Variants in MAU2 observed in about 807,000 individuals in gnomAD.
MAU2 encodes MAU2 sister chromatid cohesion factor.
A neutral mutation model predicts 89.1 loss-of-function variants in MAU2; 9 were observed. The observed-to-expected ratio is 0.10, with a 90% CI of 0.06 to 0.18. The LOEUF (loss-of-function observed/expected upper bound fraction) is 0.18, where lower values mean the gene tolerates loss of function less well. Among genes scored for constraint, MAU2 ranks in the 10% least tolerant of loss-of-function variants. The pLI, the probability that MAU2 is intolerant of heterozygous loss-of-function variation, is 1.00. For synonymous variants in MAU2, 357 were observed against 343.4 expected (o/e 1.04, Z -0.44); for missense variants, 425 against 803.5 (o/e 0.53, Z 5.69).
intron 3 of MAU2, among the ~76,000 whole-genome samples, chr19:19,336,761 T>C (rs1381588522): frequency 6.6e-6 from 1 of 152,000 alleles, no homozygotes; most frequent in Non-Finnish European, 1.5e-5. Flanking sequence ...CTAATTTCAA[T>C]TGTAGCCGAA....
At chr19:19,355,675 G>A in intron 18 of MAU2, 33 bp from the exon 19 acceptor site, 4 of 1,574,138 alleles carry the variant, frequency 2.5e-6, no homozygotes, top group Non-Finnish European at 8.7e-7. Context: ...ACGGTCCACA[G>A]TGCCTCACTC....
intron 16 of MAU2, among the ~76,000 whole-genome samples, chr19:19,350,754 G>T (rs1371573793): frequency 6.6e-6 from 1 of 152,040 alleles, no homozygotes; most frequent in African/African-American, 2.4e-5. Context: ...CAAAAAATTA[G>T]CCGGGCATGG....
At chr19:19,350,876 G>C (rs1301052930) in intron 16 of MAU2, among the ~76,000 whole-genome samples, 1 of 150,510 alleles carries the variant, frequency 6.6e-6, no homozygotes, top group African/African-American at 2.4e-5. Context: ...CTCCAGCCTG[G>C]GCAACACAGC....
At chr19:19,324,631 G>A (rs1307700213) in intron 1 of MAU2, among the ~76,000 whole-genome samples, 1 of 152,140 alleles carries the variant, frequency 6.6e-6, no homozygotes, top group African/African-American at 2.4e-5. Flanking sequence ...TTTACCACTT[G>A]GCTTTTGGAC....
chr19:19,344,553 C>T lies in MAU2; in HGVS notation c.1078-296C>T, dbSNP rs75654476. The stretch of plus-strand genomic sequence containing the variant: ...ACCCTGCCATTAGGAACACTCTACC[C>T]CCAGTACCCACCCTCCTGAGAGGGC... On this transcript the variant is annotated intron_variant, in intron 10 of 18. Coordinates refer to ENST00000262815, the MANE Select transcript of MAU2 (RefSeq NM_015329.4). 2,138 of 511,964 alleles carry T rather than the reference C, an allele frequency of 4.2e-3. 34 individuals carry two copies. The highest frequency in any genetic ancestry group is 0.037 in the African/African-American group (1,933 of 52,542). The allele number at this position is 511,964 out of a possible 1,614,324, so 31.7% of individuals were successfully genotyped here.
At chr19:19,351,664 A>G (rs1180916225) in intron 16 of MAU2, among the ~76,000 whole-genome samples, 1 of 151,852 alleles carries the variant, frequency 6.6e-6, no homozygotes, top group African/African-American at 2.4e-5. Context: ...TGGACAACAC[A>G]GTGAGATCCG....
chr19:19,349,446 C>G lies in MAU2; in HGVS notation c.1548+10C>G, dbSNP rs1240397161. On this transcript the variant is annotated intron_variant, in intron 16 of 18. Transcript: ENST00000262815. ...GCTGGGAAACCACAGGGTGAGTGCC[C>G]TGGCCTGGGCCCCTCGCTTGGGTGC... 1 of 1,611,176 alleles carries G rather than the reference C, an allele frequency of 6.2e-7. No homozygotes were observed. The highest frequency in any genetic ancestry group is 1.3e-5 in the African/African-American group (1 of 74,910).
intron 1 of MAU2, among the ~76,000 whole-genome samples, chr19:19,332,422 T>C (rs958398119): frequency 6.6e-6 from 1 of 151,212 alleles, no homozygotes; most frequent in Admixed American, 6.6e-5. Flanking sequence ...TAATGTCCTC[T>C]GTTTGTATGT....
intron 14 of MAU2, 103 bp downstream of exon 14, chr19:19,349,041 TCA>T: frequency 6.4e-7 from 1 of 1,552,548 alleles, no homozygotes; most frequent in Non-Finnish European, 8.8e-7. Flanking sequence ...ATACCCCTCC[TCA>T]CAGACAGTCT....
chr19:19,321,341 T>G (rs1280609555), intron 1 of MAU2, among the ~76,000 whole-genome samples: 1 of 152,158 alleles, frequency 6.6e-6, no homozygotes, highest in Non-Finnish European at 1.5e-5. Flanking sequence ...CCCCCACGCC[T>G]TATTTCCCGT....
chr19:19,328,805 T>C (rs2146659609), intron 1 of MAU2, among the ~76,000 whole-genome samples: 1 of 152,330 alleles, frequency 6.6e-6, no homozygotes, highest in South Asian at 2.1e-4. Flanking sequence ...GTTTTCCTGG[T>C]TTGAAAGCCA....
intron 1 of MAU2, among the ~76,000 whole-genome samples, chr19:19,325,565 C>CACCTCCCGGGTTCAA (rs1355509391): frequency 6.6e-6 from 1 of 151,482 alleles, no homozygotes; most frequent in Admixed American, 6.6e-5. Context: ...CTGCATACTC[C>CACCTCCCGGGTTCAA]ACCTCCCGGG....
chr19:19,340,954 C>T (rs1568659485), intron 6 of MAU2, 81 bp downstream of exon 6: 1 of 1,570,156 alleles, frequency 6.4e-7, no homozygotes, highest in South Asian at 1.1e-5. Flanking sequence ...GCTCAGACCC[C>T]ACCCACTCTC....
At chr19:19,333,213 G>A (rs2061569894) in intron 1 of MAU2, among the ~76,000 whole-genome samples, 1 of 151,906 alleles carries the variant, frequency 6.6e-6, no homozygotes, top group Non-Finnish European at 1.5e-5. Flanking sequence ...GGCCAAGCAC[G>A]ATGTCCAACG....
rs772790911 is a variant in MAU2 at position 19,336,108 on chromosome 19, C to T, written c.295-14C>T. Reference sequence around the variant, plus strand: ...TTTCGCAGTGTCTGTACTTCCTTAACTGGACGTCACTAGATCCCGCAGTTC... The same window carrying T: ...TTTCGCAGTGTCTGTACTTCCTTAATTGGACGTCACTAGATCCCGCAGTTC... On this transcript the variant is annotated splice_polypyrimidine_tract_variant and intron_variant, in intron 2 of 18. Coordinates refer to ENST00000262815, the MANE Select transcript of MAU2 (RefSeq NM_015329.4). The T allele has an allele frequency of 2.5e-5, 40 of 1,606,918 alleles. No homozygotes were observed. Among genetic ancestry groups the T allele is most frequent in the Non-Finnish European group, 3.3e-5 (39 of 1,173,758 alleles).
chr19:19,351,427 T>G (rs2061743145), intron 16 of MAU2, among the ~76,000 whole-genome samples: 1 of 151,924 alleles, frequency 6.6e-6, no homozygotes, highest in Non-Finnish European at 1.5e-5. Flanking sequence ...CCCAACACTT[T>G]GGGAGGCAGA....
At position 19,341,243 on chromosome 19, in the gene MAU2, C is replaced by T. The variant is rs1258781626; in HGVS notation, c.580-9C>T. ...CCTGTACCCTACACCTGCGCCTCTC[C>T]CTCCCCAGCTGCTGCTGATGGAGCG... On this transcript the variant is annotated splice_polypyrimidine_tract_variant and intron_variant, in intron 6 of 18. Coordinates refer to ENST00000262815, the MANE Select transcript of MAU2 (RefSeq NM_015329.4). 3.7e-6 allele frequency: 6 copies of T among 1,609,450 alleles called. No homozygotes were observed. Among genetic ancestry groups the T allele is most frequent in the Admixed American group, 3.3e-5 (2 of 59,994 alleles).
chr19:19,333,784 A>C (rs981529425), intron 1 of MAU2, among the ~76,000 whole-genome samples: 8 of 152,208 alleles, frequency 5.3e-5, no homozygotes, highest in Non-Finnish European at 1.2e-4. Flanking sequence ...GCAGTGACAG[A>C]AATGGGGCCA....
intron 1 of MAU2, among the ~76,000 whole-genome samples, chr19:19,321,354 C>T (rs1283031753): frequency 6.6e-6 from 1 of 152,200 alleles, no homozygotes; most frequent in African/African-American, 2.4e-5. Context: ...TTTCCCGTTT[C>T]TGGTGACAGG....
Sources: allele counts gnomAD v4.1 joint callset (sites outside exome capture counted in the v4.1 genomes callset), GRCh38; gene constraint gnomAD v4.1.1; transcripts MANE v1.5; gene names NCBI Gene and HGNC (gene_info 2026-07-23, HGNC 2026-07-21).